Variants in WDR4 observed in about 807,000 individuals in gnomAD.
WDR4 encodes tRNA (guanine-N(7)-)-methyltransferase non-catalytic subunit WDR4.
In WDR4, 47 loss-of-function variants were observed where a neutral mutation model predicts 48.6. The observed-to-expected ratio is 0.97, with a 90% confidence interval of 0.77 to 1.23. The LOEUF (loss-of-function observed/expected upper bound fraction) is 1.23, where lower values mean the gene tolerates loss of function less well. Among genes scored for constraint, WDR4 ranks in the 50% most tolerant of loss-of-function variants. The pLI is 0.00. For synonymous variants in WDR4, 268 were observed against 230.0 expected, an observed-to-expected ratio of 1.17 and a Z score of -1.49; for missense variants, 606 against 551.6, an observed-to-expected ratio of 1.10 and a Z score of -0.99.
chr21:42,878,905 G>A, intron 1 of WDR4: 9 of 962,064 alleles, frequency 9.4e-6, no homozygotes, highest in Non-Finnish European at 1.1e-5. Context: ...GATGCAGGCC[G>A]GGAAGAGGGA....
chr21:42,856,945 A>G (rs1294885307), intron 6 of WDR4, among the ~76,000 whole-genome samples: 1 of 152,198 alleles, frequency 6.6e-6, no homozygotes, highest in East Asian at 1.9e-4. Context: ...ACAACAGGCA[A>G]GAAGAGAAGG....
At chr21:42,843,392 AAG>A (rs1174527887) in intron 11 of WDR4, 1 of 149,842 alleles carries the variant, frequency 6.7e-6, no homozygotes, top group Non-Finnish European at 1.5e-5. Context: ...AGAGAAATGG[AAG>A]ACACTGGTGT....
At chr21:42,875,640 G>A (rs80147881) in intron 2 of WDR4, among the ~76,000 whole-genome samples, 8,196 of 152,226 alleles carry the variant, frequency 0.054, 253 homozygotes, top group South Asian at 0.09. Context: ...CCAGGAGGTC[G>A]AGGCTGCAGG....
rs463183 is a variant in WDR4, at chr21:42,855,973, G to A, written c.628-193C>T. 0.052 allele frequency among the ~76,000 whole-genome samples: 7,898 copies of A among 152,266 alleles called. 223 individuals carry two copies. Among genetic ancestry groups the A allele is most frequent in the South Asian group, 0.083 (397 of 4,812 alleles). The stretch of plus-strand genomic sequence containing the variant: ...ATCATCAAGGACAACGGTGGGGAAC[G>A]GAAGGTGACCGATTCCCTGTTTCTC... On this transcript the variant is annotated intron_variant, in intron 6 of 10. Transcript: ENST00000398208.
At chr21:42,888,902 C>T in the WDR4 span, among the ~76,000 whole-genome samples, 1 of 151,418 alleles carries the variant, frequency 6.6e-6, no homozygotes, top group East Asian at 1.9e-4. Flanking sequence ...CAGGGTTTCA[C>T]CACGTTGGCC....
At chr21:42,863,719 G>T in intron 3 of WDR4, 123 bp from the exon 4 acceptor site, 1 of 1,167,024 alleles carries the variant, frequency 8.6e-7, no homozygotes, top group Non-Finnish European at 1.2e-6. Flanking sequence ...TTTTCCAGCT[G>T]CTGAAGGTGG....
At chr21:42,878,412 T>G (rs939220377) in intron 1 of WDR4, among the ~76,000 whole-genome samples, 1 of 152,196 alleles carries the variant, frequency 6.6e-6, no homozygotes, top group Non-Finnish European at 1.5e-5. Flanking sequence ...GTCTAATATA[T>G]CCACAGCTCA....
chr21:42,892,356 G>T, the WDR4 span, among the ~76,000 whole-genome samples: 2 of 151,962 alleles, frequency 1.3e-5, no homozygotes, highest in East Asian at 1.9e-4. Flanking sequence ...AAGATCTAAG[G>T]TTATTCTTTT....
In WDR4 at chr21:42,850,176, T is replaced by C; in HGVS notation, c.1112A>G (p.Tyr371Cys). Residue 371 changes from tyrosine to cysteine, a missense_variant, in exon 11 of 11, where the codon TAC (tyrosine) becomes TGC (cysteine). By Grantham distance (194) the Tyr-to-Cys change is radical. Transcript: ENST00000398208. ...CAGTCTCTCCTCTTTCTTCTTCAGG[T>C]AGGAGGTCACGTTGTCGAACGTGGC... ...YKATFDNVTS[Y>C]LKKKEERLQQ... 3 of 1,613,984 alleles carry C rather than the reference T, an allele frequency of 1.9e-6. No individual in the cohort carries two copies. The highest frequency in any genetic ancestry group is 2.5e-6 in the Non-Finnish European group (3 of 1,179,946).
intron 9 of WDR4, among the ~76,000 whole-genome samples, chr21:42,852,532 T>C (rs1468041722): frequency 6.6e-6 from 1 of 152,202 alleles, no homozygotes; most frequent in Non-Finnish European, 1.5e-5. Context: ...ATGCAGTTCA[T>C]CAACCTCAGG....
intron 3 of WDR4, among the ~76,000 whole-genome samples, chr21:42,872,657 G>A (rs8131360): frequency 0.6 from 90,890 of 151,160 alleles, 28,080 homozygotes; most frequent in African/African-American, 0.72. Context: ...AAGACAGGCC[G>A]GGTGTAGTGG....
upstream of WDR4, among the ~76,000 whole-genome samples, chr21:42,880,962 C>G (rs2146127328): frequency 6.6e-6 from 1 of 151,206 alleles, no homozygotes; most frequent in African/African-American, 2.4e-5. Context: ...CGGAGTCTCG[C>G]TCTGTCGCCC....
chr21:42,879,530 A>G lies in WDR4; in HGVS notation c.-35T>C. ...CGCCTCACCGCCATACACATGTGCC[A>G]GCCCAGAGCCTCTTCCTGTCCGCAC... On this transcript the variant is annotated 5_prime_UTR_variant, in exon 1 of 11. Transcript: ENST00000398208. 1 of 1,609,680 alleles carries G rather than the reference A, an allele frequency of 6.2e-7. No individual in the cohort carries two copies. The highest frequency in any genetic ancestry group is 1.3e-5 in the African/African-American group (1 of 74,880).
At chr21:42,867,728 G>C (rs2058280762) in intron 3 of WDR4, among the ~76,000 whole-genome samples, 1 of 151,516 alleles carries the variant, frequency 6.6e-6, no homozygotes, top group South Asian at 2.1e-4. Flanking sequence ...TTGGACTTGT[G>C]CTTTTTTTTT....
chr21:42,879,383 G>A, intron 1 of WDR4, 24 bp downstream of exon 1: 1 of 1,611,926 alleles, frequency 6.2e-7, no homozygotes, highest in Non-Finnish European at 8.5e-7. Flanking sequence ...TGGTCTCCCT[G>A]TTCCAAGACC....
rs527617641 is a variant in WDR4, at chr21:42,867,371, A to T, written c.297-3775T>A. Reference sequence around the variant, plus strand: ...GTGCCACTGCACTCCAGCCTGGGTGACAAAGAGACACTCCGCTCCACCAAA... The same window carrying T: ...GTGCCACTGCACTCCAGCCTGGGTGTCAAAGAGACACTCCGCTCCACCAAA... On this transcript the variant is annotated intron_variant, in intron 3 of 10. Coordinates refer to ENST00000398208, the MANE Select transcript of WDR4 (RefSeq NM_018669.6). Among the ~76,000 whole-genome samples the T allele has an allele frequency of 1.5e-4, 22 of 150,342 alleles. No individual in the cohort carries two copies. The South Asian group carries it at 4.7e-3, about 32-fold the overall frequency.
At chr21:42,872,701 G>A (rs189754988) in intron 3 of WDR4, among the ~76,000 whole-genome samples, 73 of 152,046 alleles carry the variant, frequency 4.8e-4, no homozygotes, top group African/African-American at 1.5e-3. Flanking sequence ...TTGGGAGGCC[G>A]AGGCCAGCGG....
chr21:42,876,272 G>A (rs1402048830), intron 2 of WDR4, among the ~76,000 whole-genome samples: 1 of 142,896 alleles, frequency 7.0e-6, no homozygotes, highest in Non-Finnish European at 1.5e-5. Context: ...GGAGTGCAAT[G>A]CCGCAATCTC....
At chr21:42,878,537 C>T (rs1286454795) in intron 1 of WDR4, among the ~76,000 whole-genome samples, 1 of 152,106 alleles carries the variant, frequency 6.6e-6, no homozygotes, top group Non-Finnish European at 1.5e-5. Flanking sequence ...CTTTCTAAAA[C>T]CAAACGAACA....
Sources: gnomAD v4.1 joint callset for allele counts (sites outside exome capture counted in the v4.1 genomes callset) on GRCh38, gnomAD v4.1.1 for gene constraint, MANE v1.5 for transcripts, NCBI Gene and HGNC (gene_info 2026-07-23, HGNC 2026-07-21) for gene names.